Variants in CXCL9 observed in about 807,000 individuals in gnomAD.
CXCL9 encodes C-X-C motif chemokine 9.
CXCL9 carries 8 observed loss-of-function variants against 11.7 expected under a neutral mutation model. That is an observed-to-expected ratio of 0.68 (90% CI 0.40 to 1.23). CXCL9 has a LOEUF of 1.23. Among genes scored for constraint, CXCL9 ranks in the 50% most tolerant of loss-of-function variants. CXCL9 has a pLI of 0.01. For missense variants in CXCL9, 133 were observed against 141.7 expected (o/e 0.94, Z 0.31); for synonymous variants, 43 against 48.2 (o/e 0.89, Z 0.45).
In CXCL9 at chr4:76,003,475, G is replaced by A; in HGVS notation, c.*123C>T. The A allele has an allele frequency of 5.1e-6, 3 of 583,184 alleles. No homozygotes were observed. In the South Asian group the frequency reaches 7.2e-5, roughly 14 times the overall value. 36.1% of individuals were successfully genotyped at this position (583,184 alleles called of 1,614,324 possible). ...ACTTTAGTTACAATTTCAGAGTAAT[G>A]TTTTAAATTTTCTAGTCAAATTAAT... On this transcript the variant is annotated 3_prime_UTR_variant, in exon 4 of 4. Coordinates refer to ENST00000264888, the MANE Select transcript of CXCL9 (RefSeq NM_002416.3).
In CXCL9 at chr4:76,001,520, T is replaced by C. The variant is rs1048210968; in HGVS notation, c.*2078A>G. The stretch of plus-strand genomic sequence containing the variant: ...CCATTCTATTTTAACAAAGAAAATA[T>C]TTCAAATTACAAGGTATACAAGTCA... On this transcript the variant is annotated 3_prime_UTR_variant, in exon 4 of 4. Transcript: ENST00000264888. 6.6e-6 allele frequency: 1 copy of C among 152,228 alleles called. No individual in the cohort carries two copies. The highest frequency in any genetic ancestry group is 1.5e-5 in the Non-Finnish European group (1 of 68,042). The allele number at this position is 152,228 out of a possible 1,614,324, so 9.4% of individuals were successfully genotyped here.
chr4:76,001,299 T>C lies in CXCL9; in HGVS notation c.*2299A>G, dbSNP rs1731458706. 1 of 152,244 alleles carries C rather than the reference T, an allele frequency of 6.6e-6. No individual in the cohort carries two copies. The highest frequency in any genetic ancestry group is 1.5e-5 in the Non-Finnish European group (1 of 68,060). The allele number at this position is 152,244 out of a possible 1,614,324, so 9.4% of individuals were successfully genotyped here. On this transcript the variant is annotated 3_prime_UTR_variant, in exon 4 of 4. Transcript: ENST00000264888. ...AGTGTTGTCATATTTTCCATAGGTT[T>C]TTTTTCCTGTTCCCGATCGACCCTT...
In CXCL9 at chr4:76,006,046, T is replaced by G. The variant is rs981627389; in HGVS notation, c.191+102A>C. ...TTTATGGAGGGGGTAACCATCTGAT[T>G]TTTAAGTGTTTGTATGGGCAAGCAC... On this transcript the variant is annotated intron_variant, in intron 2 of 3. Transcript: ENST00000264888. The G allele has an allele frequency of 1.4e-5, 15 of 1,067,176 alleles. No homozygotes were observed. The East Asian group carries it at 3.6e-4, about 25-fold the overall frequency. 66.1% of individuals were successfully genotyped at this position (1,067,176 alleles called of 1,614,324 possible).
intron 1 of CXCL9, among the ~76,000 whole-genome samples, 166 bp downstream of exon 1, chr4:76,007,220 C>G (rs865803958): frequency 2.0e-5 from 3 of 152,154 alleles, no homozygotes; most frequent in African/African-American, 7.2e-5. Context: ...CTTGGCAGAT[C>G]GAAGTTATGA....
In CXCL9 at chr4:76,001,794, A is replaced by C; in HGVS notation, c.*1804T>G. On this transcript the variant is annotated 3_prime_UTR_variant, in exon 4 of 4. Transcript: ENST00000264888. The stretch of plus-strand genomic sequence containing the variant: ...TGATTAGATAAGACGTTCGGGTGGG[A>C]TCTCCACCGGACAGCACTCTAAATC... 1 of 156,248 alleles carries C rather than the reference A, an allele frequency of 6.4e-6. No individual in the cohort carries two copies. Among genetic ancestry groups the C allele is most frequent in the Middle Eastern group, 3.2e-3 (1 of 314 alleles). The allele number at this position is 156,248 out of a possible 1,614,324, so 9.7% of individuals were successfully genotyped here.
At chr4:76,006,537 G>A (rs1176544272) in intron 1 of CXCL9, among the ~76,000 whole-genome samples, 1 of 152,198 alleles carries the variant, frequency 6.6e-6, no homozygotes, top group East Asian at 1.9e-4. Flanking sequence ...TGAGTCCAAA[G>A]GCGTTGCTCT....
intron 3 of CXCL9, 121 bp from the exon 4 acceptor site, chr4:76,003,820 C>T: frequency 4.7e-6 from 3 of 638,700 alleles, no homozygotes; most frequent in South Asian, 1.9e-5. Context: ...ATTAAAGTCA[C>T]TTCACTCTCA....
In CXCL9 at chr4:76,003,529, T is replaced by C. The variant is rs1040115715; in HGVS notation, c.*69A>G. 3 of 891,114 alleles carry C rather than the reference T, an allele frequency of 3.4e-6. No homozygotes were observed. The East Asian group carries it at 7.3e-5, about 22-fold the overall frequency. The allele number at this position is 891,114 out of a possible 1,614,324, so 55.2% of individuals were successfully genotyped here. A position where few individuals can be genotyped will look rare whatever the true frequency, so the allele number is the denominator to read the frequency against. On this transcript the variant is annotated 3_prime_UTR_variant, in exon 4 of 4. Coordinates refer to ENST00000264888, the MANE Select transcript of CXCL9 (RefSeq NM_002416.3). Reference sequence around the variant, plus strand: ...CCTTTGTATTATATGCCATCCTCCTTTGGAATGATAGCGGTATAATTAAAA... The same window carrying C: ...CCTTTGTATTATATGCCATCCTCCTCTGGAATGATAGCGGTATAATTAAAA...
chr4:76,003,320 T>G lies in CXCL9; in HGVS notation c.*278A>C. 1 of 357,082 alleles carries G rather than the reference T, an allele frequency of 2.8e-6. No homozygotes were observed. The highest frequency in any genetic ancestry group is 4.7e-5 in the Admixed American group (1 of 21,426). 22.1% of individuals were successfully genotyped at this position (357,082 alleles called of 1,614,324 possible). On this transcript the variant is annotated 3_prime_UTR_variant, in exon 4 of 4. Transcript: ENST00000264888. Reference sequence around the variant, plus strand: ...TGGGATGTGGTTGGGTGAACATCTGTGTAGACATGGGTATTGCTAAAATCA... The same window carrying G: ...TGGGATGTGGTTGGGTGAACATCTGGGTAGACATGGGTATTGCTAAAATCA...
Position 76,002,257 on chromosome 4 carries a change from G to T in CXCL9, c.*1341C>A. ...GCTGATCTATAAAGTCCTTTTCATT[G>T]TAAGATTATATGATTTTCGGTAAAC... On this transcript the variant is annotated 3_prime_UTR_variant, in exon 4 of 4. Coordinates refer to ENST00000264888, the MANE Select transcript of CXCL9 (RefSeq NM_002416.3). The T allele has an allele frequency of 2.5e-6, 1 of 398,384 alleles. No homozygotes were observed. 24.7% of individuals were successfully genotyped at this position (398,384 alleles called of 1,614,324 possible). A position where few individuals can be genotyped will look rare whatever the true frequency, so the allele number is the denominator to read the frequency against.
Position 76,007,506 on chromosome 4 carries a change from C to G in CXCL9, c.-57G>C. The G allele has an allele frequency of 1.1e-6, 1 of 916,196 alleles. No homozygotes were observed. The highest frequency in any genetic ancestry group is 2.4e-5 in the East Asian group (1 of 41,790). 56.8% of individuals were successfully genotyped at this position (916,196 alleles called of 1,614,324 possible). A position where few individuals can be genotyped will look rare whatever the true frequency, so the allele number is the denominator to read the frequency against. On this transcript the variant is annotated 5_prime_UTR_variant, in exon 1 of 4. Coordinates refer to ENST00000264888, the MANE Select transcript of CXCL9 (RefSeq NM_002416.3). ...TATTGGATTTTGAGCCTGAGAAATT[C>G]TTTAGAGAACACATTTTGGGGATCA...
At chr4:76,004,279 C>G (rs1311437318) in intron 3 of CXCL9, among the ~76,000 whole-genome samples, 1 of 152,208 alleles carries the variant, frequency 6.6e-6, no homozygotes, top group Non-Finnish European at 1.5e-5. Context: ...TCTCATGATT[C>G]TACTCTTCTG....
Position 76,001,317 on chromosome 4 carries a change from C to T in CXCL9, c.*2281G>A, listed in dbSNP as rs1031398114. 5.3e-5 allele frequency: 8 copies of T among 152,024 alleles called. No individual in the cohort carries two copies. The highest frequency in any genetic ancestry group is 1.9e-4 in the African/African-American group (8 of 41,368). The allele number at this position is 152,024 out of a possible 1,614,324, so 9.4% of individuals were successfully genotyped here. ...ATAGGTTTTTTTTCCTGTTCCCGAT[C>T]GACCCTTTAAAGAGCTTTCATGTGT... is the stretch of plus-strand genomic sequence containing the variant. On this transcript the variant is annotated 3_prime_UTR_variant, in exon 4 of 4. Transcript: ENST00000264888.
rs755486724 is a variant in CXCL9 at position 76,007,464 on chromosome 4, G to C, written c.-15C>G. ...CTTTTCTTCATAGTGATAGAATGGA[G>C]TTCCAAGTCACTCCTGTATTGGATT... On this transcript the variant is annotated 5_prime_UTR_variant, in exon 1 of 4. Coordinates refer to ENST00000264888, the MANE Select transcript of CXCL9 (RefSeq NM_002416.3). 4.1e-6 allele frequency: 6 copies of C among 1,473,274 alleles called. No homozygotes were observed. The South Asian group carries it at 5.7e-5, about 14-fold the overall frequency. The allele number at this position is 1,473,274 out of a possible 1,614,324, so 91.3% of individuals were successfully genotyped here. A position where few individuals can be genotyped will look rare whatever the true frequency, so the allele number is the denominator to read the frequency against.
chr4:76,003,418 T>C lies in CXCL9; in HGVS notation c.*180A>G, dbSNP rs10031051. The stretch of plus-strand genomic sequence containing the variant: ...AGACAATCATAGCCTTTAACAATTC[T>C]TAACGTTTGGATTCTTAAAATCAAC... On this transcript the variant is annotated 3_prime_UTR_variant, in exon 4 of 4. Transcript: ENST00000264888. 12,428 of 560,616 alleles carry C rather than the reference T, an allele frequency of 0.022. 365 individuals carry two copies. Among genetic ancestry groups the C allele is most frequent in the African/African-American group, 0.1 (5,397 of 52,132 alleles). The allele number at this position is 560,616 out of a possible 1,614,324, so 34.7% of individuals were successfully genotyped here.
chr4:76,006,300 C>T, intron 1 of CXCL9, 26 bp from the exon 2 acceptor site: 1 of 1,610,382 alleles, frequency 6.2e-7, no homozygotes, highest in Non-Finnish European at 8.5e-7. Context: ...AGATAGAACA[C>T]ATCAGTATAG....
rs1731486020 is a variant in CXCL9 at position 76,002,484 on chromosome 4, C to G, written c.*1114G>C. 2.5e-6 allele frequency: 1 copy of G among 397,204 alleles called. No homozygotes were observed. The highest frequency in any genetic ancestry group is 4.4e-5 in the Admixed American group (1 of 22,690). 24.6% of individuals were successfully genotyped at this position (397,204 alleles called of 1,614,324 possible). On this transcript the variant is annotated 3_prime_UTR_variant, in exon 4 of 4. Coordinates refer to ENST00000264888, the MANE Select transcript of CXCL9 (RefSeq NM_002416.3). ...CATGGAGTAGCCAGGAAAGAGCCAG[C>G]ACCTGCTCTGAGACAATGGTCTGGT... is the stretch of plus-strand genomic sequence containing the variant.
rs551057545 is a variant in CXCL9, at chr4:76,004,842, A to G, written c.243T>C (p.Asp81=). 3.1e-6 allele frequency: 5 copies of G among 1,609,720 alleles called. No individual in the cohort carries two copies. Among genetic ancestry groups the G allele is most frequent in the East Asian group, 2.2e-5 (1 of 44,716 alleles). Residue 81 remains aspartate, a synonymous_variant, in exon 3 of 4, where the codon GAT becomes GAC. Transcript: ENST00000264888. ...CCCACTTTTTAATCAGTTCCTTCACATCTGCTGAATCTGGGTTTAGACATG... is the reference window on the plus strand; with the variant it reads ...CCCACTTTTTAATCAGTTCCTTCACGTCTGCTGAATCTGGGTTTAGACATG... ...VQTCLNPDSA[D]VKELIKKWEK...
At position 76,002,579 on chromosome 4, in the gene CXCL9, T is replaced by C. The variant is rs1167519276; in HGVS notation, c.*1019A>G. 3 of 381,934 alleles carry C rather than the reference T, an allele frequency of 7.9e-6. No individual in the cohort carries two copies. The highest frequency in any genetic ancestry group is 2.1e-5 in the African/African-American group (1 of 48,342). The allele number at this position is 381,934 out of a possible 1,614,324, so 23.7% of individuals were successfully genotyped here. On this transcript the variant is annotated 3_prime_UTR_variant, in exon 4 of 4. Coordinates refer to ENST00000264888, the MANE Select transcript of CXCL9 (RefSeq NM_002416.3). ...CTAGTTCCACAGTATTATTAGGCACTGTGGAAGAAACAGGGAAATATACTG... is the reference window on the plus strand; with the variant it reads ...CTAGTTCCACAGTATTATTAGGCACCGTGGAAGAAACAGGGAAATATACTG...
Sources: gnomAD v4.1 joint callset for allele counts (sites outside exome capture counted in the v4.1 genomes callset) on GRCh38, gnomAD v4.1.1 for gene constraint, MANE v1.5 for transcripts, NCBI Gene and HGNC (gene_info 2026-07-23, HGNC 2026-07-21) for gene names.